CCDC66: variants seen among roughly 807,000 people sequenced by gnomAD.
The protein encoded by CCDC66 is coiled-coil domain containing 66, also known as coiled-coil domain-containing protein 66.
In CCDC66, 133 loss-of-function variants were observed where a neutral mutation model predicts 128.3. The ratio of observed to expected loss-of-function variants is 1.04; its 90% CI spans 0.90 to 1.20. CCDC66 has a LOEUF of 1.20. CCDC66 is among the 50% of genes most tolerant of loss of function. The probability of loss-of-function intolerance (pLI) is 0.00; values close to 1 mark genes in which losing one functional copy is unlikely to be tolerated. For synonymous variants in CCDC66, 387 were observed against 357.0 expected (o/e 1.08, Z -0.95); for missense variants, 1,126 against 1,075.5 (o/e 1.05, Z -0.66).
rs57290095 is a variant in CCDC66 at position 56,599,811 on chromosome 3, C to G, written c.1404+5783C>G. Reference sequence around the variant, plus strand: ...TTTTGTGTCCTAACATATGATCTGTCCTGGAGAATAATCCTTATGCTAATG... The same window carrying G: ...TTTTGTGTCCTAACATATGATCTGTGCTGGAGAATAATCCTTATGCTAATG... On this transcript the variant is annotated intron_variant, in intron 10 of 17. Coordinates refer to ENST00000394672, the MANE Select transcript of CCDC66 (RefSeq NM_001141947.3). Among the ~76,000 whole-genome samples, 12 of 152,116 alleles carry G rather than the reference C, an allele frequency of 7.9e-5. No homozygotes were observed. In the East Asian group the frequency reaches 2.3e-3, roughly 29 times the overall value.
chr3:56,613,681 C>T lies in CCDC66; in HGVS notation c.1497C>T (p.Arg499=), dbSNP rs767169562. 1.2e-6 allele frequency: 2 copies of T among 1,614,058 alleles called. No homozygotes were observed. The highest frequency in any genetic ancestry group is 1.1e-5 in the South Asian group (1 of 91,070). The change falls in exon 11 of 18, where the codon CGC becomes CGT. Residue 499 remains arginine (R), a synonymous_variant. Transcript: ENST00000394672. Reference sequence around the variant, plus strand: ...AGGAAGAACAAGAAGAGGAGCTTCGCTTAGCACAGGAACGTGAAGAGATGC... The same window carrying T: ...AGGAAGAACAAGAAGAGGAGCTTCGTTTAGCACAGGAACGTGAAGAGATGC... ...RKKEEQEEEL[R]LAQEREEMQK... is the part of the protein sequence containing the mutation.
intron 10 of CCDC66, among the ~76,000 whole-genome samples, chr3:56,607,949 A>G (rs1355393745): frequency 1.3e-5 from 2 of 151,994 alleles, no homozygotes; most frequent in African/African-American, 4.8e-5. Context: ...TTTATTGAGT[A>G]TGTTAAACCA....
At chr3:56,619,172 CAACA>C in intron 15 of CCDC66, 95 bp from the exon 16 acceptor site, 1 of 1,024,602 alleles carries the variant, frequency 9.8e-7, no homozygotes, top group Non-Finnish European at 1.4e-6. Flanking sequence ...CCAGCCTGGG[CAACA>C]GAGCGAGACT....
chr3:56,592,981 G>T lies in CCDC66; in HGVS notation c.948G>T (p.Leu316=). 1.2e-6 allele frequency: 2 copies of T among 1,609,510 alleles called. No individual in the cohort carries two copies. Among genetic ancestry groups the T allele is most frequent in the Non-Finnish European group, 1.7e-6 (2 of 1,178,846 alleles). ...QILDQSRETV[L]LEHPFSAVKQ... Reference sequence around the variant, plus strand: ...TGGCTGTTGTTTAGGAAACAGTACTGCTGGAGCACCCTTTCAGTGCTGTGA... The same window carrying T: ...TGGCTGTTGTTTAGGAAACAGTACTTCTGGAGCACCCTTTCAGTGCTGTGA... Residue 316 remains leucine, a synonymous_variant, in exon 8 of 18, where the codon CTG becomes CTT. Coordinates refer to ENST00000394672, the MANE Select transcript of CCDC66 (RefSeq NM_001141947.3).
At chr3:56,564,187 G>C (rs1475882023) in intron 4 of CCDC66, 62 bp downstream of exon 4, 8 of 1,242,674 alleles carry the variant, frequency 6.4e-6, no homozygotes, top group African/African-American at 3.0e-5. Context: ...TAGAATATCA[G>C]ATTCATTGGG....
chr3:56,567,282 C>T (rs1023282395), intron 6 of CCDC66, among the ~76,000 whole-genome samples: 17 of 152,142 alleles, frequency 1.1e-4, no homozygotes, highest in Non-Finnish European at 2.1e-4. Context: ...CCCAGCTACT[C>T]GGGAGGCTGA....
chr3:56,557,371 G>C, intron 1 of CCDC66, 118 bp downstream of exon 1: 1 of 1,345,022 alleles, frequency 7.4e-7, no homozygotes. Context: ...CCCAACCTGC[G>C]CCGCCGAGAG....
intron 7 of CCDC66, among the ~76,000 whole-genome samples, chr3:56,584,117 C>A (rs2069019866): frequency 6.8e-6 from 1 of 146,336 alleles, no homozygotes; most frequent in Non-Finnish European, 1.5e-5. Context: ...GGGCTGCCCC[C>A]CACCTCCCTC....
At chr3:56,611,825 G>A (rs533059731) in intron 10 of CCDC66, among the ~76,000 whole-genome samples, 31 of 152,200 alleles carry the variant, frequency 2.0e-4, no homozygotes, top group African/African-American at 6.5e-4. Context: ...AGGTAAAGTC[G>A]GGAGCTTCTC....
At position 56,566,934 on chromosome 3, in the gene CCDC66, T is replaced by C. The variant is rs1330370489; in HGVS notation, c.711-16T>C. 6.3e-7 allele frequency: 1 copy of C among 1,596,406 alleles called. No individual in the cohort carries two copies. Among genetic ancestry groups the C allele is most frequent in the Admixed American group, 1.7e-5 (1 of 59,022 alleles). The stretch of plus-strand genomic sequence containing the variant: ...TGTATGATACAGTTTCTGTTATCTT[T>C]TGTGTTTTACCTTAGAGAGAATGAA... On this transcript the variant is annotated splice_polypyrimidine_tract_variant and intron_variant, in intron 5 of 17. Coordinates refer to ENST00000394672, the MANE Select transcript of CCDC66 (RefSeq NM_001141947.3).
At chr3:56,591,383 T>TA (rs1294856951) in intron 7 of CCDC66, among the ~76,000 whole-genome samples, 2 of 152,262 alleles carry the variant, frequency 1.3e-5, no homozygotes, top group East Asian at 3.9e-4. Flanking sequence ...ACATCAAACT[T>TA]AAACAAATAT....
In CCDC66 at chr3:56,557,229, T is replaced by C. The variant is rs977478932; in HGVS notation, c.-14T>C. The C allele has an allele frequency of 1.1e-5, 17 of 1,546,530 alleles. 1 individual carries two copies. In the South Asian group the frequency reaches 1.2e-4, roughly 11 times the overall value. On this transcript the variant is annotated 5_prime_UTR_variant, in exon 1 of 18. Transcript: ENST00000394672. Reference sequence around the variant, plus strand: ...GGGCTTGAGCGTTCTGTGGAGAGAGTGCGAGGTCAGGCCATGAACTTGGGG... The same window carrying C: ...GGGCTTGAGCGTTCTGTGGAGAGAGCGCGAGGTCAGGCCATGAACTTGGGG...
chr3:56,597,067 G>T (rs2072109673), intron 10 of CCDC66, among the ~76,000 whole-genome samples: 1 of 151,630 alleles, frequency 6.6e-6, no homozygotes, highest in African/African-American at 2.4e-5. Context: ...CCCTTGAATT[G>T]TTTTTTGAAT....
Position 56,600,404 on chromosome 3 carries a change from C to A in CCDC66, c.1404+6376C>A, listed in dbSNP as rs868399244. Among the ~76,000 whole-genome samples, 9 of 152,042 alleles carry A rather than the reference C, an allele frequency of 5.9e-5. No individual in the cohort carries two copies. In the South Asian group the frequency reaches 6.2e-4, roughly 11 times the overall value. On this transcript the variant is annotated intron_variant, in intron 10 of 17. Coordinates refer to ENST00000394672, the MANE Select transcript of CCDC66 (RefSeq NM_001141947.3). The stretch of plus-strand genomic sequence containing the variant: ...CCCCATGATCGGGCTACCTTGGCCT[C>A]CAAAAGTGCTGGGATTACAGGCATG...
At chr3:56,567,158 G>A (rs942693575) in intron 6 of CCDC66, 105 bp downstream of exon 6, 19 of 734,030 alleles carry the variant, frequency 2.6e-5, no homozygotes, top group Admixed American at 4.5e-5. Context: ...TTGGGAAGCC[G>A]AGGTGGGTGG....
In CCDC66 at chr3:56,617,467, G is replaced by C; in HGVS notation, c.2199G>C (p.Arg733Ser). 6.2e-7 allele frequency: 1 copy of C among 1,614,026 alleles called. No individual in the cohort carries two copies. The highest frequency in any genetic ancestry group is 1.1e-5 in the South Asian group (1 of 91,056). ...AGCAGAGAGAAGAAAAAAAAGTAAG[G>C]AGGCAGATGGAATTGCTTCATTTGG... ...LQKQREEKKV[R>S]RQMELLHLVE... is the part of the protein sequence containing the mutation. Residue 733 changes from arginine to serine, a missense_variant, in exon 14 of 18, where the codon AGG (arginine) becomes AGC (serine). By Grantham distance (110) the Arg-to-Ser change is moderately radical (BLOSUM62 -1). Transcript: ENST00000394672.
intron 7 of CCDC66, chr3:56,572,511 T>A: frequency 2.2e-6 from 1 of 453,912 alleles, no homozygotes; most frequent in Non-Finnish European, 3.5e-6. Context: ...GGAGAGAATC[T>A]AAGTCCTCCT....
At chr3:56,616,237 G>A (rs2075491445) in intron 13 of CCDC66, 184 bp downstream of exon 13, 4 of 490,350 alleles carry the variant, frequency 8.2e-6, no homozygotes, top group Non-Finnish European at 1.4e-5. Context: ...TTATCCTACA[G>A]TTTAGTCTTT....
chr3:56,615,546 T>C (rs2075383122), intron 12 of CCDC66: 2 of 358,676 alleles, frequency 5.6e-6, no homozygotes, highest in South Asian at 9.6e-5. Flanking sequence ...GCCTAAATGA[T>C]TGCCTATTTT....
Sources: allele counts gnomAD v4.1 joint callset (sites outside exome capture counted in the v4.1 genomes callset), GRCh38; gene constraint gnomAD v4.1.1; transcripts MANE v1.5; gene names NCBI Gene and HGNC (gene_info 2026-07-23, HGNC 2026-07-21).